PDLIM5: variants seen among roughly 807,000 people sequenced by gnomAD.
PDLIM5 encodes PDZ and LIM domain protein 5.
In PDLIM5, 34 loss-of-function variants were observed where a neutral mutation model predicts 64.2. The ratio of observed to expected loss-of-function variants is 0.53; its 90% CI spans 0.40 to 0.71. The LOEUF (loss-of-function observed/expected upper bound fraction) is 0.71, where lower values mean the gene tolerates loss of function less well. Ranked by LOEUF, PDLIM5 falls within the 30% of genes least tolerant of loss-of-function variation. The probability of loss-of-function intolerance (pLI) is 0.00; values close to 1 mark genes in which losing one functional copy is unlikely to be tolerated. For missense variants in PDLIM5, 683 were observed against 733.6 expected (o/e 0.93, Z 0.80); for synonymous variants, 253 against 269.1 (o/e 0.94, Z 0.59).
chr4:94,515,827 T>C (rs1001782210), intron 2 of PDLIM5, among the ~76,000 whole-genome samples: 47 of 152,212 alleles, frequency 3.1e-4, no homozygotes, highest in African/African-American at 1.1e-3. Context: ...ACATTTCCTA[T>C]CATTTCTCTC....
rs190146995 is a variant in PDLIM5 at position 94,644,325 on chromosome 4, C to G, written c.1283+3875C>G. Among the ~76,000 whole-genome samples, 154 of 152,230 alleles carry G rather than the reference C, an allele frequency of 1.0e-3. 1 individual carries two copies. In the East Asian group the frequency reaches 0.02, roughly 20 times the overall value. ...TGAATTTGAGTCCAGATTTGTCTAA[C>G]TTTAATTTTTATTCATGCTTTTAAC... On this transcript the variant is annotated intron_variant, in intron 9 of 12. Coordinates refer to ENST00000317968, the MANE Select transcript of PDLIM5 (RefSeq NM_006457.5).
intron 9 of PDLIM5, among the ~76,000 whole-genome samples, chr4:94,641,024 A>G (rs955252576): frequency 2.0e-5 from 3 of 152,248 alleles, no homozygotes; most frequent in Non-Finnish European, 2.9e-5. Context: ...ACAAGAAGAA[A>G]AAGTCTCAGA....
chr4:94,509,713 T>C (rs1476389807), intron 2 of PDLIM5, among the ~76,000 whole-genome samples: 1 of 152,142 alleles, frequency 6.6e-6, no homozygotes. Flanking sequence ...ACTGAAGAAC[T>C]TGGAGTCCGA....
At chr4:94,637,044 A>G (rs1459416871) in intron 8 of PDLIM5, among the ~76,000 whole-genome samples, 1 of 152,108 alleles carries the variant, frequency 6.6e-6, no homozygotes, top group African/African-American at 2.4e-5. Context: ...TCCTTGGCTG[A>G]GGGTCACAGA....
intron 9 of PDLIM5, among the ~76,000 whole-genome samples, chr4:94,643,454 T>A (rs1741162345): frequency 6.6e-6 from 1 of 151,652 alleles, no homozygotes; most frequent in Non-Finnish European, 1.5e-5. Flanking sequence ...AATCAGGCAG[T>A]TGTAGCCAAA....
Position 94,452,179 on chromosome 4 carries a change from T to G in PDLIM5, c.-43+184T>G, listed in dbSNP as rs911103793. On this transcript the variant is annotated intron_variant, in intron 1 of 12. Transcript: ENST00000317968. The stretch of plus-strand genomic sequence containing the variant: ...GGAGCGGCGGAGGTGGGAGAGCAGC[T>G]TGGGAAAAGGAGCGCCCGGAAAAGG... Among the ~76,000 whole-genome samples, 12 of 151,974 alleles carry G rather than the reference T, an allele frequency of 7.9e-5. No homozygotes were observed. The East Asian group carries it at 2.4e-3, about 30-fold the overall frequency.
chr4:94,620,705 C>T (rs1011470853), intron 8 of PDLIM5, among the ~76,000 whole-genome samples: 6 of 151,618 alleles, frequency 4.0e-5, no homozygotes, highest in South Asian at 2.1e-4. Context: ...TTTTAGAAAA[C>T]GTTATTTATA....
chr4:94,566,115 A>G (rs544441550), intron 3 of PDLIM5, among the ~76,000 whole-genome samples: 3 of 152,340 alleles, frequency 2.0e-5, no homozygotes, highest in East Asian at 3.9e-4. Context: ...ATGTTATTCC[A>G]GAAGGCAGCC....
chr4:94,642,382 A>G (rs1413684024), intron 9 of PDLIM5, among the ~76,000 whole-genome samples: 1 of 152,230 alleles, frequency 6.6e-6, no homozygotes. Context: ...TGTGAAGATC[A>G]AAGTAGAAAT....
At chr4:94,546,787 T>C (rs1240243270) in intron 3 of PDLIM5, among the ~76,000 whole-genome samples, 1 of 152,086 alleles carries the variant, frequency 6.6e-6, no homozygotes, top group Non-Finnish European at 1.5e-5. Context: ...TTACTTAAAA[T>C]TTTTACTTAA....
chr4:94,603,187 A>G (rs1404305075), intron 7 of PDLIM5, among the ~76,000 whole-genome samples: 2 of 152,144 alleles, frequency 1.3e-5, no homozygotes, highest in African/African-American at 4.8e-5. Context: ...CACTTTGGGT[A>G]TTATCCTAAC....
intron 3 of PDLIM5, among the ~76,000 whole-genome samples, chr4:94,538,908 A>T (rs1204728328): frequency 6.6e-6 from 1 of 152,180 alleles, no homozygotes; most frequent in Non-Finnish European, 1.5e-5. Flanking sequence ...ACAGATTGGG[A>T]TGAATGATGA....
intron 2 of PDLIM5, among the ~76,000 whole-genome samples, chr4:94,508,451 G>C (rs1348027158): frequency 6.6e-6 from 1 of 152,174 alleles, no homozygotes; most frequent in Admixed American, 6.6e-5. Flanking sequence ...TGGCTCCTTG[G>C]GTCAAGTGTT....
Position 94,553,398 on chromosome 4 carries a change from C to T in PDLIM5, c.249-19953C>T, listed in dbSNP as rs549073837. On this transcript the variant is annotated intron_variant, in intron 3 of 12. Coordinates refer to ENST00000317968, the MANE Select transcript of PDLIM5 (RefSeq NM_006457.5). Reference sequence around the variant, plus strand: ...TGCTGGGATTACAGGCGTGAGCCACCGCACCCAGCCAAATGATCGGTTTTA... The same window carrying T: ...TGCTGGGATTACAGGCGTGAGCCACTGCACCCAGCCAAATGATCGGTTTTA... Among the ~76,000 whole-genome samples the T allele has an allele frequency of 2.8e-4, 42 of 152,270 alleles. No homozygotes were observed. In the South Asian group the frequency reaches 5.0e-3, roughly 18 times the overall value.
chr4:94,518,699 ATAAT>A (rs1729573163), intron 2 of PDLIM5, among the ~76,000 whole-genome samples: 1 of 152,166 alleles, frequency 6.6e-6, no homozygotes, highest in African/African-American at 2.4e-5. Flanking sequence ...TCTCTTTTCT[ATAAT>A]TAATCATTAT....
chr4:94,559,917 CTT>C (rs1733692481), intron 3 of PDLIM5, among the ~76,000 whole-genome samples: 1 of 152,120 alleles, frequency 6.6e-6, no homozygotes, highest in African/African-American at 2.4e-5. Context: ...ATTCATAGAA[CTT>C]AATAGTTGGA....
chr4:94,581,860 CT>C (rs1735760199), intron 5 of PDLIM5, among the ~76,000 whole-genome samples: 1 of 152,186 alleles, frequency 6.6e-6, no homozygotes. Context: ...TTTTGAGGTT[CT>C]TCCACTTCAG....
intron 3 of PDLIM5, among the ~76,000 whole-genome samples, chr4:94,540,105 CTG>C (rs898487736): frequency 3.3e-5 from 5 of 151,300 alleles, no homozygotes; most frequent in Non-Finnish European, 7.4e-5. Flanking sequence ...TTCAAGAACT[CTG>C]TGAGGCATAG....
At chr4:94,477,355 G>A (rs1219828912) in intron 2 of PDLIM5, among the ~76,000 whole-genome samples, 1 of 152,124 alleles carries the variant, frequency 6.6e-6, no homozygotes, top group Non-Finnish European at 1.5e-5. Context: ...AAGTTAATAT[G>A]AGTTAGTAAA....
Sources: gnomAD v4.1 joint callset for allele counts (sites outside exome capture counted in the v4.1 genomes callset) on GRCh38, gnomAD v4.1.1 for gene constraint, MANE v1.5 for transcripts, NCBI Gene and HGNC (gene_info 2026-07-23, HGNC 2026-07-21) for gene names.